Variants in ASIC2 observed in about 807,000 individuals in gnomAD.
ASIC2 encodes the protein acid-sensing ion channel 2.
A neutral mutation model predicts 57.3 loss-of-function variants in ASIC2; 25 were observed. That is an observed-to-expected ratio of 0.44 (90% CI 0.32 to 0.61). ASIC2 has a LOEUF of 0.61. Ranked by LOEUF, ASIC2 falls within the 20% of genes least tolerant of loss-of-function variation. The pLI is 0.06. For missense variants in ASIC2, 641 were observed against 738.1 expected (o/e 0.87, Z 1.52); for synonymous variants, 319 against 307.5 (o/e 1.04, Z -0.39).
At chr17:33,672,416 C>A (rs1171377265) in intron 1 of ASIC2, among the ~76,000 whole-genome samples, 2 of 144,582 alleles carry the variant, frequency 1.4e-5, no homozygotes, top group African/African-American at 2.6e-5. Flanking sequence ...TTTTATTTTA[C>A]ACTCCTTGCT....
At chr17:33,601,681 A>C (rs1170922428) in intron 1 of ASIC2, among the ~76,000 whole-genome samples, 1 of 152,212 alleles carries the variant, frequency 6.6e-6, no homozygotes, top group Non-Finnish European at 1.5e-5. Context: ...AGTCATGGGC[A>C]TGGGGTACCC....
intron 1 of ASIC2, among the ~76,000 whole-genome samples, chr17:33,488,296 C>G (rs1008826579): frequency 6.6e-6 from 1 of 152,160 alleles, no homozygotes; most frequent in Admixed American, 6.5e-5. Flanking sequence ...TAGGGACTTC[C>G]TCACCTCCGC....
intron 6 of ASIC2, among the ~76,000 whole-genome samples, chr17:33,022,142 C>T (rs531503493): frequency 2.6e-4 from 40 of 152,178 alleles, no homozygotes; most frequent in Admixed American, 3.9e-4. Flanking sequence ...GAGCAGGGCT[C>T]GCAGGGCAGC....
At chr17:33,017,337 C>A (rs1011080243) in intron 8 of ASIC2, among the ~76,000 whole-genome samples, 2 of 152,236 alleles carry the variant, frequency 1.3e-5, no homozygotes, top group Non-Finnish European at 2.9e-5. Context: ...CCTCCCCATC[C>A]TTCCCTGCCA....
chr17:33,358,327 GA>G (rs1322485708), intron 1 of ASIC2, among the ~76,000 whole-genome samples: 3 of 152,150 alleles, frequency 2.0e-5, no homozygotes. Flanking sequence ...CCCCTTCACA[GA>G]AAAACTTTGC....
In ASIC2 at chr17:33,078,462, T is replaced by C. The variant is rs565475169; in HGVS notation, c.987+10401A>G. ...GCTAAGAATTTAAATGGACAGTAAA[T>C]TATTTAAGTTAGCCCTCAGAGATCA... On this transcript the variant is annotated intron_variant, in intron 3 of 9. Coordinates refer to ENST00000225823, the MANE Select transcript of ASIC2 (RefSeq NM_183377.2). Among the ~76,000 whole-genome samples the C allele has an allele frequency of 1.2e-4, 19 of 152,366 alleles. No homozygotes were observed. In the South Asian group the frequency reaches 2.7e-3, roughly 22 times the overall value.
intron 1 of ASIC2, among the ~76,000 whole-genome samples, chr17:33,695,218 A>C (rs1908488527): frequency 6.6e-6 from 1 of 152,224 alleles, no homozygotes; most frequent in African/African-American, 2.4e-5. Context: ...GTAGATATCA[A>C]TTAAATACTC....
rs548302322 is a variant in ASIC2 at position 33,818,723 on chromosome 17, AC to A, written c.555+337254del. ...ATGTCAATAGTGCTGAGATTGAGAA[AC>A]CCTAGATGATGTTTTAAACCACTAC... On this transcript the variant is annotated intron_variant, in intron 1 of 9. Coordinates refer to the ASIC2 transcript ENST00000359872. Among the ~76,000 whole-genome samples, 425 of 152,290 alleles carry A rather than the reference AC, an allele frequency of 2.8e-3. 3 individuals are homozygous for A. Among genetic ancestry groups the A allele is most frequent in the Non-Finnish European group, 5.0e-3 (338 of 68,018 alleles).
chr17:33,114,354 A>G (rs2092272343), intron 1 of ASIC2, among the ~76,000 whole-genome samples: 1 of 152,246 alleles, frequency 6.6e-6, no homozygotes, highest in Admixed American at 6.5e-5. Flanking sequence ...AGCATTTCAT[A>G]AGCACATCCA....
intron 1 of ASIC2, among the ~76,000 whole-genome samples, chr17:34,012,362 T>C (rs1906800609): frequency 6.6e-6 from 1 of 152,210 alleles, no homozygotes; most frequent in Non-Finnish European, 1.5e-5. Context: ...CTCAGCCTTC[T>C]CTGGTGCCAC....
chr17:33,840,948 G>GTA (rs1913419662), intron 1 of ASIC2, among the ~76,000 whole-genome samples: 1 of 152,034 alleles, frequency 6.6e-6, no homozygotes, highest in African/African-American at 2.4e-5. Flanking sequence ...TGATGGACAG[G>GTA]TATATATATT....
chr17:33,197,256 T>C (rs1906670199), intron 1 of ASIC2, among the ~76,000 whole-genome samples: 1 of 152,170 alleles, frequency 6.6e-6, no homozygotes, highest in Non-Finnish European at 1.5e-5. Context: ...CAAGATAGCT[T>C]AGGGGGTTTA....
intron 3 of ASIC2, among the ~76,000 whole-genome samples, chr17:33,071,888 G>A (rs1217364664): frequency 6.6e-6 from 1 of 152,148 alleles, no homozygotes; most frequent in Non-Finnish European, 1.5e-5. Flanking sequence ...AGTAGGAATA[G>A]GCACTATTCC....
At chr17:33,241,951 T>C (rs970013363) in intron 1 of ASIC2, among the ~76,000 whole-genome samples, 1 of 152,308 alleles carries the variant, frequency 6.6e-6, no homozygotes, top group Admixed American at 6.5e-5. Flanking sequence ...TATATATAAA[T>C]GGAAAACCCA....
chr17:33,666,886 A>C (rs1467520434), intron 1 of ASIC2, among the ~76,000 whole-genome samples: 1 of 152,226 alleles, frequency 6.6e-6, no homozygotes, highest in East Asian at 1.9e-4. Context: ...TTAAATTTGA[A>C]TTTCAGATCA....
rs1905914474 is a variant in ASIC2, at chr17:33,180,026, A to G, written c.709-67959T>C. ...CTTTGATTGTCTCTTAGGGCTCTCT[A>G]CATAAACAGCAGAGCCATTCCCACT... On this transcript the variant is annotated intron_variant, in intron 1 of 9. Coordinates refer to ENST00000225823, the MANE Select transcript of ASIC2 (RefSeq NM_183377.2). Among the ~76,000 whole-genome samples the G allele has an allele frequency of 2.0e-5, 3 of 152,326 alleles. No homozygotes were observed. The South Asian group carries it at 6.2e-4, about 32-fold the overall frequency.
At chr17:33,991,085 G>A (rs1905987291) in intron 1 of ASIC2, among the ~76,000 whole-genome samples, 1 of 152,128 alleles carries the variant, frequency 6.6e-6, no homozygotes, top group Admixed American at 6.6e-5. Context: ...AGTTAACTAG[G>A]GCTGACTGCT....
chr17:33,118,608 A>C (rs554522336), intron 1 of ASIC2, among the ~76,000 whole-genome samples: 14 of 152,142 alleles, frequency 9.2e-5, no homozygotes, highest in Admixed American at 1.3e-4. Context: ...GGCACATCTC[A>C]GAGTCAGAGG....
intron 1 of ASIC2, among the ~76,000 whole-genome samples, chr17:33,803,647 G>A (rs1409449129): frequency 2.0e-5 from 3 of 147,108 alleles, no homozygotes; most frequent in South Asian, 2.1e-4. Context: ...TCACAAGAAC[G>A]GGAATCTGTT....
Sources: allele counts gnomAD v4.1 joint callset (sites outside exome capture counted in the v4.1 genomes callset), GRCh38; gene constraint gnomAD v4.1.1; transcripts MANE v1.5; gene names NCBI Gene and HGNC (gene_info 2026-07-23, HGNC 2026-07-21).